The following HYOU1 variants were observed in gnomAD, a reference collection of about 807,000 sequenced individuals.
The protein encoded by HYOU1 is hypoxia up-regulated protein 1.
Under a neutral mutation model 120.5 loss-of-function variants are expected in HYOU1, and 40 were observed. The observed-to-expected ratio is 0.33, with a 90% CI of 0.26 to 0.43. The LOEUF is 0.43. Ranked by LOEUF, HYOU1 falls within the 20% of genes least tolerant of loss-of-function variation. The pLI is 1.00. For synonymous variants in HYOU1, 501 were observed against 479.4 expected, an observed-to-expected ratio of 1.05 and a Z score of -0.59; for missense variants, 1,085 against 1,278.3, an observed-to-expected ratio of 0.85 and a Z score of 2.31.
At chr11:119,047,889 T>G in intron 21 of HYOU1, 58 bp downstream of exon 21, 1 of 1,613,372 alleles carries the variant, frequency 6.2e-7, no homozygotes, top group Non-Finnish European at 8.5e-7. Context: ...GGGAAGCTGG[T>G]AGGAATGAAA....
In HYOU1 at chr11:119,052,473, C is replaced by CG. The variant is rs2133593311; in HGVS notation, c.988-45dup. On this transcript the variant is annotated intron_variant, in intron 9 of 25. Coordinates refer to ENST00000617285, the MANE Select transcript of HYOU1 (RefSeq NM_006389.5). This position sits in a 1 kb window ranked among gnomAD's most constrained non-coding sequence, Gnocchi z 5.0. ...TGTCAGGGGGTTCTTGCCCAGCTCC[C>CG]GCTCTCTTGGTGAGTAGGACAGAAA... 1.4e-5 allele frequency: 22 copies of CG among 1,613,338 alleles called. 3 individuals are homozygous for CG. In the Admixed American group the frequency reaches 1.8e-4, roughly 13 times the overall value.
chr11:119,052,412 A>G lies in HYOU1; in HGVS notation c.1005T>C (p.Asp335=), dbSNP rs142587861. The G allele has an allele frequency of 5.6e-5, 91 of 1,613,962 alleles. 2 individuals carry two copies. In the South Asian group the frequency reaches 9.4e-4, roughly 17 times the overall value. The change falls in exon 10 of 26, where the codon GAT becomes GAC. Residue 335 remains aspartate, a synonymous_variant. Coordinates refer to ENST00000617285, the MANE Select transcript of HYOU1 (RefSeq NM_006389.5). This position sits in a 1 kb window ranked among gnomAD's most constrained non-coding sequence, Gnocchi z 5.0. ...TCACTTTTGCCTTGAAGTCCACATC[A>G]TCCATCAGGCCTTCAATCTGGGAGA... ...DHMAQIEGLM[D]DVDFKAKVTR...
chr11:119,044,749 G>C lies in HYOU1; in HGVS notation c.*844C>G, dbSNP rs1015475570. The C allele has an allele frequency of 2.0e-5, 4 of 200,686 alleles. No individual in the cohort carries two copies. Among genetic ancestry groups the C allele is most frequent in the African/African-American group, 9.1e-5 (4 of 43,882 alleles). The allele number at this position is 200,686 out of a possible 1,614,324, so 12.4% of individuals were successfully genotyped here. The stretch of plus-strand genomic sequence containing the variant: ...GAACAGCAGAAGAGAGGAGGAGGCA[G>C]GGAGTTACAGGAACCTGGGGTACCA... On this transcript the variant is annotated 3_prime_UTR_variant, in exon 26 of 26. Transcript: ENST00000617285.
rs1212313014 is a variant in HYOU1 at position 119,055,481 on chromosome 11, C to T, written c.264+12G>A. ...CTGCCCACCACTCTGGGAAGAGGGA[C>T]TGCTAGCTCACCATGCTTGCTGCAC... On this transcript the variant is annotated intron_variant, in intron 4 of 25. Transcript: ENST00000617285. The surrounding 1 kb of genome is among the most constrained non-coding windows in gnomAD (Gnocchi z 4.0). 2 of 1,613,220 alleles carry T rather than the reference C, an allele frequency of 1.2e-6. No homozygotes were observed. The highest frequency in any genetic ancestry group is 3.3e-5 in the Admixed American group (2 of 59,998).
In HYOU1 at chr11:119,051,422, C is replaced by A. The variant is rs2133584830; in HGVS notation, c.1526+16G>T. Reference sequence around the variant, plus strand: ...CCCCCTCCCTGGAGCTCCCATCCTACACCCCTGCCCCTCACCGAAGATCTT... The same window carrying A: ...CCCCCTCCCTGGAGCTCCCATCCTAAACCCCTGCCCCTCACCGAAGATCTT... On this transcript the variant is annotated intron_variant, in intron 13 of 25. Transcript: ENST00000617285. The surrounding 1 kb of genome is among the most constrained non-coding windows in gnomAD (Gnocchi z 4.2). 63 of 1,613,244 alleles carry A rather than the reference C, an allele frequency of 3.9e-5. No homozygotes were observed. In the East Asian group the frequency reaches 1.4e-3, roughly 35 times the overall value.
chr11:119,048,293 G>T lies in HYOU1; in HGVS notation c.2331C>A (p.Ala777=). 1 of 1,611,336 alleles carries T rather than the reference G, an allele frequency of 6.2e-7. No homozygotes were observed. ...CCTCATCCTCCAGCCAGGTGGATGCGGCGCTGAGCTTCCCAGAGATCTCCT... is the reference window on the plus strand; with the variant it reads ...CCTCATCCTCCAGCCAGGTGGATGCTGCGCTGAGCTTCCCAGAGATCTCCT... The part of the protein sequence containing the change: ...QREEISGKLS[A]ASTWLEDEGV... Residue 777 remains alanine, a synonymous_variant, in exon 20 of 26, where the codon GCC becomes GCA. Transcript: ENST00000617285. The surrounding 1 kb of genome is among the most constrained non-coding windows in gnomAD (Gnocchi z 4.7).
Position 119,051,747 on chromosome 11 carries a change from G to A in HYOU1, c.1338+72C>T. On this transcript the variant is annotated intron_variant, in intron 12 of 25. Coordinates refer to ENST00000617285, the MANE Select transcript of HYOU1 (RefSeq NM_006389.5). This position sits in a 1 kb window ranked among gnomAD's most constrained non-coding sequence, Gnocchi z 4.2. ...CAGAAAGACAAAGGGATGAGCCAGA[G>A]CAGACAGAAGGGGAAACCCTACTTG... 6.2e-7 allele frequency: 1 copy of A among 1,603,222 alleles called. No homozygotes were observed. The highest frequency in any genetic ancestry group is 8.5e-7 in the Non-Finnish European group (1 of 1,171,072).
At chr11:119,047,056 T>C (rs1944124141) in intron 22 of HYOU1, 4 of 451,950 alleles carry the variant, frequency 8.9e-6, no homozygotes, top group Non-Finnish European at 1.2e-5. Flanking sequence ...ACCCCTTGAA[T>C]AGTCCTTTTT....
chr11:119,048,241 C>T lies in HYOU1; in HGVS notation c.2376+7G>A. 1 of 1,610,596 alleles carries T rather than the reference C, an allele frequency of 6.2e-7. No individual in the cohort carries two copies. Among genetic ancestry groups the T allele is most frequent in the Admixed American group, 1.7e-5 (1 of 60,002 alleles). On this transcript the variant is annotated splice_region_variant and intron_variant, in intron 20 of 25. Coordinates refer to ENST00000617285, the MANE Select transcript of HYOU1 (RefSeq NM_006389.5). This position sits in a 1 kb window ranked among gnomAD's most constrained non-coding sequence, Gnocchi z 4.7. ...CTCCACCTGCCATGTCCTGAGAGGC[C>T]CCTCACCACTGTGGTGGCTCCAACA...
rs1308451267 is a variant in HYOU1, at chr11:119,056,054, C to G, written c.91+16G>C. On this transcript the variant is annotated intron_variant, in intron 2 of 25. Transcript: ENST00000617285. Reference sequence around the variant, plus strand: ...GTCATCATTTATCCATTTGCTCCCTCTACTGGGGTACATACCACTCAGTGC... The same window carrying G: ...GTCATCATTTATCCATTTGCTCCCTGTACTGGGGTACATACCACTCAGTGC... 1.2e-6 allele frequency: 2 copies of G among 1,607,938 alleles called. No homozygotes were observed. The highest frequency in any genetic ancestry group is 1.7e-6 in the Non-Finnish European group (2 of 1,174,430).
In HYOU1 at chr11:119,048,270, T is replaced by G; in HGVS notation, c.2354A>C (p.Glu785Ala). 1 of 1,611,532 alleles carries G rather than the reference T, an allele frequency of 6.2e-7. No individual in the cohort carries two copies. The highest frequency in any genetic ancestry group is 8.5e-7 in the Non-Finnish European group (1 of 1,179,986). ...LSAASTWLED[E>A]GVGATTVMLK... Reference sequence around the variant, plus strand: ...CACCACTGTGGTGGCTCCAACACCCTCATCCTCCAGCCAGGTGGATGCGGC... The same window carrying G: ...CACCACTGTGGTGGCTCCAACACCCGCATCCTCCAGCCAGGTGGATGCGGC... The change falls in exon 20 of 26, where the codon GAG becomes GCG. Residue 785 changes from glutamate to alanine, a missense_variant. By Grantham distance (107) the Glu-to-Ala change is moderately radical. Coordinates refer to ENST00000617285, the MANE Select transcript of HYOU1 (RefSeq NM_006389.5). This position sits in a 1 kb window ranked among gnomAD's most constrained non-coding sequence, Gnocchi z 4.7.
chr11:119,056,205 T>C (rs1390673527), intron 1 of HYOU1, 38 bp from the exon 2 acceptor site: 3 of 1,399,722 alleles, frequency 2.1e-6, no homozygotes, highest in Non-Finnish European at 3.0e-6. Flanking sequence ...TAAAACTGGA[T>C]ACCCGGAGTG....
chr11:119,054,290 C>T, intron 7 of HYOU1, 54 bp from the exon 8 acceptor site: 4 of 1,427,554 alleles, frequency 2.8e-6, no homozygotes, highest in South Asian at 1.2e-5. Context: ...TCCAGGGGGC[C>T]TGCCTGCCCA....
rs1170190882 is a variant in HYOU1 at position 119,048,133 on chromosome 11, G to A, written c.2377-53C>T. On this transcript the variant is annotated intron_variant, in intron 20 of 25. Transcript: ENST00000617285. The surrounding 1 kb of genome is among the most constrained non-coding windows in gnomAD (Gnocchi z 4.7). Reference sequence around the variant, plus strand: ...GTGGAAGGGACGACAGCAGAGCCTGGAGTCAGCCCCATGTCCTTCTTTATG... The same window carrying A: ...GTGGAAGGGACGACAGCAGAGCCTGAAGTCAGCCCCATGTCCTTCTTTATG... The A allele has an allele frequency of 3.1e-6, 5 of 1,612,420 alleles. No individual in the cohort carries two copies. The highest frequency in any genetic ancestry group is 4.2e-6 in the Non-Finnish European group (5 of 1,179,904).
rs539091713 is a variant in HYOU1, at chr11:119,052,736, T to G, written c.888A>C (p.Ala296=). The change falls in exon 9 of 26, where the codon GCA becomes GCC. Residue 296 remains alanine (A), a synonymous_variant. Transcript: ENST00000617285. The surrounding 1 kb of genome is among the most constrained non-coding windows in gnomAD (Gnocchi z 5.0). ...LFNEQRKGQR[A]KDVRENPRAM... ...CACGCGGGTTCTCCCGCACATCCTT[T>G]GCTCTCTGACCCTTGCGCTGCTCAT... 1.2e-6 allele frequency: 2 copies of G among 1,614,126 alleles called. No homozygotes were observed. Among genetic ancestry groups the G allele is most frequent in the Non-Finnish European group, 1.7e-6 (2 of 1,180,040 alleles).
chr11:119,052,910 T>A lies in HYOU1; in HGVS notation c.795-81A>T, dbSNP rs2133596671. On this transcript the variant is annotated intron_variant, in intron 8 of 25. Coordinates refer to ENST00000617285, the MANE Select transcript of HYOU1 (RefSeq NM_006389.5). The surrounding 1 kb of genome is among the most constrained non-coding windows in gnomAD (Gnocchi z 5.0). ...TGCACAGGAGCCTCTCATCCCCACA[T>A]GGCACCTTTCCTTCATCTCAGGGGA... 7 of 1,304,896 alleles carry A rather than the reference T, an allele frequency of 5.4e-6. No homozygotes were observed. In the African/African-American group the frequency reaches 1.0e-4, roughly 19 times the overall value. The allele number at this position is 1,304,896 out of a possible 1,614,324, so 80.8% of individuals were successfully genotyped here.
In HYOU1 at chr11:119,046,816, C is replaced by G. The variant is rs1944106410; in HGVS notation, c.2596-14G>C. 1 of 1,598,042 alleles carries G rather than the reference C, an allele frequency of 6.3e-7. No individual in the cohort carries two copies. Among genetic ancestry groups the G allele is most frequent in the Non-Finnish European group, 8.5e-7 (1 of 1,179,584 alleles). On this transcript the variant is annotated splice_polypyrimidine_tract_variant and intron_variant, in intron 22 of 25. Coordinates refer to ENST00000617285, the MANE Select transcript of HYOU1 (RefSeq NM_006389.5). ...ATTCTTCCAGGCCTGTGGGTGAGAC[C>G]AGGAGAGGCTCCAAGCTAGCCATGG...
chr11:119,052,733 C>A lies in HYOU1; in HGVS notation c.891G>T (p.Lys297Asn), dbSNP rs2133595224. Residue 297 changes from lysine to asparagine, a missense_variant, in exon 9 of 26, where the codon AAG becomes AAT. By Grantham distance (94) the Lys-to-Asn change is moderately conservative. Coordinates refer to ENST00000617285, the MANE Select transcript of HYOU1 (RefSeq NM_006389.5). This position sits in a 1 kb window ranked among gnomAD's most constrained non-coding sequence, Gnocchi z 5.0. ...TGGCACGCGGGTTCTCCCGCACATC[C>A]TTTGCTCTCTGACCCTTGCGCTGCT... Reference protein sequence around the residue: ...FNEQRKGQRAKDVRENPRAMA... With the variant: ...FNEQRKGQRANDVRENPRAMA... 6.2e-7 allele frequency: 1 copy of A among 1,614,234 alleles called. No homozygotes were observed. The highest frequency in any genetic ancestry group is 1.1e-5 in the South Asian group (1 of 91,086).
In HYOU1 at chr11:119,051,987, G is replaced by GGAGCGGTA. The variant is rs2133589462; in HGVS notation, c.1206-37_1206-36insTACCGCTC. On this transcript the variant is annotated intron_variant, in intron 11 of 25. Transcript: ENST00000617285. The surrounding 1 kb of genome is among the most constrained non-coding windows in gnomAD (Gnocchi z 4.2). ...CCCAAGCCTCAGCACGGTCTACCCT[G>GGAGCGGTA]GAGCATGCAACCGGGACTTCCCTCC... 3.7e-6 allele frequency: 6 copies of GGAGCGGTA among 1,613,422 alleles called. No individual in the cohort carries two copies. The South Asian group carries it at 6.6e-5, about 18-fold the overall frequency.
Sources: allele counts gnomAD v4.1 joint callset, GRCh38; gene constraint gnomAD v4.1.1; non-coding constraint Gnocchi (gnomAD v3.1); transcripts MANE v1.5; gene names NCBI Gene and HGNC (gene_info 2026-07-23, HGNC 2026-07-21).